SIPA1L1: variants seen among roughly 807,000 people sequenced by gnomAD.
SIPA1L1 encodes signal-induced proliferation-associated 1-like protein 1.
Under a neutral mutation model 162.7 loss-of-function variants are expected in SIPA1L1, and 26 were observed. The ratio of observed to expected loss-of-function variants is 0.16; its 90% CI spans 0.12 to 0.22. The LOEUF (loss-of-function observed/expected upper bound fraction) is 0.22, where lower values mean the gene tolerates loss of function less well. Ranked by LOEUF, SIPA1L1 falls within the 10% of genes least tolerant of loss-of-function variation. The probability of loss-of-function intolerance (pLI) is 1.00; values close to 1 mark genes in which losing one functional copy is unlikely to be tolerated. For synonymous variants in SIPA1L1, 829 were observed against 837.4 expected (o/e 0.99, Z 0.17); for missense variants, 1,874 against 2,241.0 (o/e 0.84, Z 3.31).
At chr14:71,704,652 C>A in intron 15 of SIPA1L1, 1 of 1,155,754 alleles carries the variant, frequency 8.7e-7, no homozygotes, top group Non-Finnish European at 1.3e-6. Flanking sequence ...TGAACGCCAG[C>A]TTGGAGTCCA....
At chr14:71,429,352 AT>A (rs1313383355) in intron 2 of SIPA1L1, among the ~76,000 whole-genome samples, 1 of 151,234 alleles carries the variant, frequency 6.6e-6, no homozygotes, top group Non-Finnish European at 1.5e-5. Context: ...AAAGCATTGT[AT>A]TTTTGTATTT....
At chr14:71,579,208 T>C (rs1205212321) in intron 4 of SIPA1L1, among the ~76,000 whole-genome samples, 5 of 152,262 alleles carry the variant, frequency 3.3e-5, no homozygotes, top group Non-Finnish European at 7.3e-5. Flanking sequence ...TAGATTTATG[T>C]ATTTTCTATG....
chr14:71,482,142 G>T (rs371008621), intron 2 of SIPA1L1, among the ~76,000 whole-genome samples: 2 of 152,252 alleles, frequency 1.3e-5, no homozygotes, highest in East Asian at 3.9e-4. Context: ...AGGTTATGCC[G>T]TGTCATCCTC....
chr14:71,671,185 C>A lies in SIPA1L1; in HGVS notation c.2322C>A (p.Phe774Leu), dbSNP rs374259672. 6.2e-7 allele frequency: 1 copy of A among 1,613,958 alleles called. No homozygotes were observed. The highest frequency in any genetic ancestry group is 1.3e-5 in the African/African-American group (1 of 74,894). Residue 774 changes from phenylalanine (F) to leucine (L), a missense_variant, in exon 11 of 24, where the codon TTC becomes TTA. By Grantham distance (22) the Phe-to-Leu change is conservative (BLOSUM62 0). This residue lies in a region of SIPA1L1 where 243 missense variants were observed against 315.0 expected (regional missense o/e 0.77). Transcript: ENST00000381232. The part of the protein sequence containing the change: ...FGPPIPKGVT[F>L]PKSNVFRDFL... The stretch of plus-strand genomic sequence containing the variant: ...CTCCCATTCCTAAAGGGGTCACTTT[C>A]CCTAAGTCAAATGTGTTCAGGGACT...
chr14:71,401,815 C>T (rs1466993743), intron 2 of SIPA1L1, among the ~76,000 whole-genome samples: 1 of 152,016 alleles, frequency 6.6e-6, no homozygotes, highest in Non-Finnish European at 1.5e-5. Context: ...AATCTTATCA[C>T]TCATAAATAT....
At chr14:71,574,082 T>A (rs2032576641) in intron 4 of SIPA1L1, 1 of 187,476 alleles carries the variant, frequency 5.3e-6, no homozygotes, top group African/African-American at 2.4e-5. Flanking sequence ...AATTTTGATT[T>A]CTACAACAAA....
At chr14:71,500,296 T>C (rs970831747) in intron 2 of SIPA1L1, among the ~76,000 whole-genome samples, 1 of 151,998 alleles carries the variant, frequency 6.6e-6, no homozygotes, top group East Asian at 1.9e-4. Context: ...AGCGTGACAC[T>C]CCCTCCCTCT....
chr14:71,698,105 G>A (rs540730489), intron 13 of SIPA1L1, among the ~76,000 whole-genome samples: 15 of 152,134 alleles, frequency 9.9e-5, no homozygotes, highest in Admixed American at 2.0e-4. Flanking sequence ...ACAAGTAGTC[G>A]AGTGATTTGT....
intron 12 of SIPA1L1, among the ~76,000 whole-genome samples, chr14:71,674,549 G>GTTTTTTTT (rs776605036): frequency 7.3e-6 from 1 of 137,396 alleles, no homozygotes; most frequent in African/African-American, 2.8e-5. Context: ...TAGCATTCCT[G>GTTTTTTTT]TTTTTTTTTT....
At chr14:71,381,304 G>A (rs1344231300) in intron 2 of SIPA1L1, among the ~76,000 whole-genome samples, 5 of 151,994 alleles carry the variant, frequency 3.3e-5, no homozygotes, top group Non-Finnish European at 5.9e-5. Flanking sequence ...CGCCCTCCTT[G>A]TCCTCCCAAA....
At chr14:71,361,778 T>G (rs1289609017) in intron 2 of SIPA1L1, among the ~76,000 whole-genome samples, 1 of 152,214 alleles carries the variant, frequency 6.6e-6, no homozygotes, top group African/African-American at 2.4e-5. Flanking sequence ...TGGAAGCAGC[T>G]GCCTGAATTT....
At chr14:71,404,375 C>T (rs2041895865) in intron 2 of SIPA1L1, among the ~76,000 whole-genome samples, 1 of 152,142 alleles carries the variant, frequency 6.6e-6, no homozygotes, top group Non-Finnish European at 1.5e-5. Flanking sequence ...GAAACCCTGT[C>T]TCTACTAAAA....
intron 21 of SIPA1L1, 66 bp from the exon 22 acceptor site, chr14:71,735,211 G>T: frequency 9.2e-7 from 1 of 1,082,278 alleles, no homozygotes; most frequent in South Asian, 1.3e-5. Context: ...ACCACTTGTT[G>T]ACTTTGATAG....
intron 13 of SIPA1L1, among the ~76,000 whole-genome samples, chr14:71,686,900 A>G (rs1245373811): frequency 6.6e-6 from 1 of 152,226 alleles, no homozygotes; most frequent in Admixed American, 6.5e-5. Flanking sequence ...GAGTGGCAAG[A>G]ACCAGGTCTG....
intron 2 of SIPA1L1, among the ~76,000 whole-genome samples, chr14:71,351,077 T>C (rs1421876147): frequency 5.9e-5 from 9 of 152,234 alleles, no homozygotes; most frequent in Non-Finnish European, 1.2e-4. Flanking sequence ...AAATTACTTT[T>C]CAAGTTTAAA....
chr14:71,322,796 A>C (rs1435704181), intron 2 of SIPA1L1, among the ~76,000 whole-genome samples: 1 of 152,216 alleles, frequency 6.6e-6, no homozygotes, highest in Non-Finnish European at 1.5e-5. Context: ...TTTCTAGTTG[A>C]CTGAGTGAAC....
At chr14:71,328,253 G>A (rs2034066361) in intron 2 of SIPA1L1, among the ~76,000 whole-genome samples, 1 of 152,200 alleles carries the variant, frequency 6.6e-6, no homozygotes, top group Admixed American at 6.5e-5. Context: ...AGGAACCTCA[G>A]CCTAATCTGG....
intron 4 of SIPA1L1, among the ~76,000 whole-genome samples, chr14:71,585,220 GA>G (rs928074542): frequency 1.9e-4 from 29 of 151,240 alleles, no homozygotes; most frequent in Non-Finnish European, 2.5e-4. Context: ...CCTTATGACT[GA>G]AAAAAAATCT....
intron 4 of SIPA1L1, among the ~76,000 whole-genome samples, chr14:71,543,857 CAT>C (rs2054726796): frequency 7.0e-6 from 1 of 143,784 alleles, no homozygotes; most frequent in Admixed American, 6.9e-5. Context: ...TGTATATATA[CAT>C]ATATCATACG....
Sources: gnomAD v4.1 joint callset for allele counts (sites outside exome capture counted in the v4.1 genomes callset) on GRCh38, gnomAD v4.1.1 for gene constraint, gnomAD v4.1.1 regional missense constraint, MANE v1.5 for transcripts, NCBI Gene and HGNC (gene_info 2026-07-23, HGNC 2026-07-21) for gene names.